Variants in KCNQ5 observed in about 807,000 individuals in gnomAD.
The protein encoded by KCNQ5 is potassium voltage-gated channel subfamily KQT member 5.
Under a neutral mutation model 98.2 loss-of-function variants are expected in KCNQ5, and 30 were observed. That is an observed-to-expected ratio of 0.31 (90% CI 0.23 to 0.41). The LOEUF (loss-of-function observed/expected upper bound fraction) is 0.41. KCNQ5 is among the 10% of genes least tolerant of loss of function. The pLI, the probability that KCNQ5 is intolerant of heterozygous loss-of-function variation, is 1.00. For synonymous variants in KCNQ5, 458 were observed against 449.4 expected (o/e 1.02, Z -0.24); for missense variants, 835 against 1,182.5 (o/e 0.71, Z 4.31).
At chr6:72,938,047 T>C (rs992651430) in intron 1 of KCNQ5, among the ~76,000 whole-genome samples, 3 of 152,216 alleles carry the variant, frequency 2.0e-5, no homozygotes, top group African/African-American at 7.2e-5. Context: ...TACAAGGTTG[T>C]TCTGATGAAA....
At chr6:72,904,953 T>C (rs1487264333) in intron 1 of KCNQ5, among the ~76,000 whole-genome samples, 1 of 152,136 alleles carries the variant, frequency 6.6e-6, no homozygotes, top group Non-Finnish European at 1.5e-5. Context: ...CCTCAATTAT[T>C]CCCCCAAATA....
At chr6:72,746,101 A>C (rs1284835372) in intron 1 of KCNQ5, among the ~76,000 whole-genome samples, 1 of 132,368 alleles carries the variant, frequency 7.6e-6, no homozygotes, top group African/African-American at 3.1e-5. Context: ...AAAAAAAAAA[A>C]AAAGGGTCAC....
At chr6:72,950,160 T>G (rs1232081344) in intron 1 of KCNQ5, among the ~76,000 whole-genome samples, 1 of 152,154 alleles carries the variant, frequency 6.6e-6, no homozygotes, top group Non-Finnish European at 1.5e-5. Context: ...AACTAAGAAT[T>G]TTGCCTGCTA....
chr6:72,719,866 G>A (rs1373339284), intron 1 of KCNQ5, among the ~76,000 whole-genome samples: 1 of 152,184 alleles, frequency 6.6e-6, no homozygotes, highest in Non-Finnish European at 1.5e-5. Context: ...CAGACTTGGG[G>A]CCTCCTGTCT....
At chr6:72,752,008 G>A (rs1284398182) in intron 1 of KCNQ5, among the ~76,000 whole-genome samples, 1 of 152,020 alleles carries the variant, frequency 6.6e-6, no homozygotes, top group Admixed American at 6.6e-5. Context: ...TGTTTGTTTG[G>A]GGTTTGGATT....
chr6:73,156,406 C>T (rs1162118955), intron 10 of KCNQ5, among the ~76,000 whole-genome samples: 3 of 152,300 alleles, frequency 2.0e-5, no homozygotes, highest in East Asian at 1.9e-4. Context: ...GGCTAAGGCA[C>T]GCAGATCACC....
At chr6:73,054,644 C>T (rs1026081050) in intron 3 of KCNQ5, among the ~76,000 whole-genome samples, 6 of 152,182 alleles carry the variant, frequency 3.9e-5, no homozygotes, top group Middle Eastern at 3.2e-3. Flanking sequence ...AGTTCAACAT[C>T]CCTTCACGTT....
At position 72,659,084 on chromosome 6, in the gene KCNQ5, T is replaced by A. The variant is rs367666737; in HGVS notation, c.398+36497T>A. On this transcript the variant is annotated intron_variant, in intron 1 of 13. Coordinates refer to ENST00000370398, the MANE Select transcript of KCNQ5 (RefSeq NM_019842.4). ...CATTAATGGGAAAGATTAGTTTACC[T>A]ACATTTAAGATTGCCTTCTTGCAAC... is the stretch of plus-strand genomic sequence containing the variant. 9.8e-5 allele frequency among the ~76,000 whole-genome samples: 15 copies of A among 152,360 alleles called. No homozygotes were observed. The East Asian group carries it at 2.5e-3, about 25-fold the overall frequency.
Position 72,949,188 on chromosome 6 carries a change from A to G in KCNQ5, c.399-54720A>G, listed in dbSNP as rs189847922. Among the ~76,000 whole-genome samples the G allele has an allele frequency of 4.3e-3, 653 of 152,340 alleles. 2 individuals carry two copies. The highest frequency in any genetic ancestry group is 0.015 in the African/African-American group (619 of 41,574). On this transcript the variant is annotated intron_variant, in intron 1 of 13. Transcript: ENST00000370398. ...CTTGCAACTAATATTAATTTTCTAC[A>G]GCATTATATAAATCATCTGCCTGTG...
intron 1 of KCNQ5, among the ~76,000 whole-genome samples, chr6:72,913,644 A>G (rs1011936369): frequency 6.6e-6 from 1 of 152,238 alleles, no homozygotes; most frequent in Non-Finnish European, 1.5e-5. Flanking sequence ...TGTAAAGTCT[A>G]TCTGTTCTCA....
intron 11 of KCNQ5, among the ~76,000 whole-genome samples, chr6:73,170,967 A>G (rs904528977): frequency 1.2e-4 from 18 of 152,056 alleles, no homozygotes; most frequent in African/African-American, 4.1e-4. Flanking sequence ...AAAATATCCA[A>G]ACCAATTTAG....
chr6:72,929,203 G>A (rs866711484), intron 1 of KCNQ5, among the ~76,000 whole-genome samples: 6 of 152,202 alleles, frequency 3.9e-5, no homozygotes, highest in Middle Eastern at 3.4e-3. Context: ...CTGAAACTAA[G>A]ATCCCTTTTA....
At chr6:73,118,892 G>A (rs900183146) in intron 7 of KCNQ5, among the ~76,000 whole-genome samples, 5 of 152,074 alleles carry the variant, frequency 3.3e-5, no homozygotes, top group Non-Finnish European at 5.9e-5. Flanking sequence ...GTGGTGGTGC[G>A]TGCCTGTAGT....
At chr6:73,095,175 G>C (rs1057048407) in intron 5 of KCNQ5, among the ~76,000 whole-genome samples, 2 of 152,070 alleles carry the variant, frequency 1.3e-5, no homozygotes, top group Non-Finnish European at 2.9e-5. Flanking sequence ...CCTTGTCTTA[G>C]AGCTCTGAAA....
At chr6:73,078,784 G>T (rs1773640895) in intron 5 of KCNQ5, among the ~76,000 whole-genome samples, 1 of 152,262 alleles carries the variant, frequency 6.6e-6, no homozygotes, top group Admixed American at 6.5e-5. Flanking sequence ...AAAGAGCAGA[G>T]CCCCATAAAA....
intron 3 of KCNQ5, among the ~76,000 whole-genome samples, chr6:73,053,199 T>C (rs183025616): frequency 1.9e-4 from 29 of 152,312 alleles, no homozygotes; most frequent in African/African-American, 6.7e-4. Context: ...CAGACTTAAC[T>C]ATCCTAAATA....
At chr6:72,686,874 G>GA (rs1159665189) in intron 1 of KCNQ5, among the ~76,000 whole-genome samples, 52 of 151,340 alleles carry the variant, frequency 3.4e-4, no homozygotes, top group Non-Finnish European at 6.8e-4. Context: ...TATTTCTTCA[G>GA]AAAAAAATAG....
chr6:72,634,723 G>T (rs940014656), intron 1 of KCNQ5, among the ~76,000 whole-genome samples: 1 of 151,938 alleles, frequency 6.6e-6, no homozygotes, highest in Non-Finnish European at 1.5e-5. Flanking sequence ...CCGCCACCAC[G>T]CCTGGCTAAT....
chr6:72,657,768 T>C (rs1401325681), intron 1 of KCNQ5, among the ~76,000 whole-genome samples: 1 of 152,238 alleles, frequency 6.6e-6, no homozygotes, highest in Non-Finnish European at 1.5e-5. Flanking sequence ...ACTTGTATAA[T>C]TGTTACAATT....
Sources: allele counts gnomAD v4.1 joint callset (sites outside exome capture counted in the v4.1 genomes callset), GRCh38; gene constraint gnomAD v4.1.1; transcripts MANE v1.5; gene names NCBI Gene and HGNC (gene_info 2026-07-23, HGNC 2026-07-21).